The following SCAPER variants were observed in gnomAD, a reference collection of about 807,000 sequenced individuals.
The protein encoded by SCAPER is S phase cyclin A-associated protein in the endoplasmic reticulum.
SCAPER carries 98 observed loss-of-function variants against 182.2 expected under a neutral mutation model. The observed-to-expected ratio is 0.54, with a 90% confidence interval of 0.46 to 0.64. The LOEUF is 0.64. Among genes scored for constraint, SCAPER ranks in the 30% least tolerant of loss-of-function variants. The pLI is 0.00. For synonymous variants in SCAPER, 605 were observed against 564.6 expected (o/e 1.07, Z -1.01); for missense variants, 1,432 against 1,690.0 (o/e 0.85, Z 2.68).
intron 21 of SCAPER, among the ~76,000 whole-genome samples, chr15:76,645,041 C>T (rs930800754): frequency 6.6e-6 from 1 of 152,058 alleles, no homozygotes; most frequent in Non-Finnish European, 1.5e-5. Flanking sequence ...GTATTGAAAA[C>T]ATACATATTT....
intron 4 of SCAPER, among the ~76,000 whole-genome samples, chr15:76,854,640 C>A (rs2071141364): frequency 6.6e-6 from 1 of 151,696 alleles, no homozygotes; most frequent in African/African-American, 2.4e-5. Flanking sequence ...AAAAAACGCC[C>A]AAATAGCCAA....
Position 76,348,317 on chromosome 15 carries a change from C to T in SCAPER, c.*316G>A, listed in dbSNP as rs2469225. ...GAAAACAGAATAAGTTACTTTATTA[C>T]AAGAACAAAACAGACTTGCTAATTT... On this transcript the variant is annotated 3_prime_UTR_variant, in exon 32 of 32. Transcript: ENST00000563290. The T allele has an allele frequency of 0.043, 7,352 of 172,854 alleles. 361 individuals are homozygous for T. The highest frequency in any genetic ancestry group is 0.13 in the African/African-American group (5,485 of 42,334). 10.7% of individuals were successfully genotyped at this position (172,854 alleles called of 1,614,324 possible).
At chr15:76,899,676 G>A (rs12909065) in intron 1 of SCAPER, among the ~76,000 whole-genome samples, 1 of 150,640 alleles carries the variant, frequency 6.6e-6, no homozygotes, top group African/African-American at 2.4e-5. Context: ...TGGAAAGTGA[G>A]GAGCACCTCT....
At chr15:76,868,392 CA>C (rs5813851) in intron 2 of SCAPER, among the ~76,000 whole-genome samples, 40,897 of 145,840 alleles carry the variant, frequency 0.28, 6,294 homozygotes, top group East Asian at 0.56. Context: ...GACCTTGTCT[CA>C]AAAAAAAAAC....
At chr15:76,399,200 C>A (rs892129409) in intron 27 of SCAPER, among the ~76,000 whole-genome samples, 1 of 152,108 alleles carries the variant, frequency 6.6e-6, no homozygotes, top group African/African-American at 2.4e-5. Context: ...TGCAGTGGTG[C>A]CATCTCGGCT....
chr15:76,740,886 T>C (rs2061505774), intron 15 of SCAPER, among the ~76,000 whole-genome samples: 1 of 152,062 alleles, frequency 6.6e-6, no homozygotes, highest in Non-Finnish European at 1.5e-5. Flanking sequence ...TATGAATAAT[T>C]ATTGTGGAAA....
chr15:76,574,423 C>A (rs2047672556), intron 22 of SCAPER, 139 bp from the exon 23 acceptor site: 3 of 873,604 alleles, frequency 3.4e-6, no homozygotes, highest in Non-Finnish European at 5.1e-6. Flanking sequence ...GGAGAAAAAA[C>A]CAGACAACCA....
At chr15:76,564,647 A>T (rs1055935080) in intron 23 of SCAPER, among the ~76,000 whole-genome samples, 1 of 152,214 alleles carries the variant, frequency 6.6e-6, no homozygotes, top group Admixed American at 6.5e-5. Context: ...TATTCTTCAC[A>T]GAACTAAAAA....
intron 22 of SCAPER, 77 bp downstream of exon 22, chr15:76,621,687 A>C: frequency 3.4e-6 from 4 of 1,162,350 alleles, no homozygotes; most frequent in Non-Finnish European, 5.0e-6. Flanking sequence ...TATTACAGAC[A>C]TAACATGATG....
chr15:76,387,245 C>G (rs144458325), intron 27 of SCAPER, among the ~76,000 whole-genome samples: 1 of 152,266 alleles, frequency 6.6e-6, no homozygotes, highest in Non-Finnish European at 1.5e-5. Context: ...GCGCATGTCT[C>G]AGGAGGAAAA....
intron 21 of SCAPER, among the ~76,000 whole-genome samples, chr15:76,630,667 T>C (rs1226341028): frequency 2.6e-5 from 4 of 152,136 alleles, no homozygotes; most frequent in African/African-American, 4.8e-5. Flanking sequence ...TGAGAGACCG[T>C]TATTATTTCA....
intron 26 of SCAPER, among the ~76,000 whole-genome samples, chr15:76,415,725 T>C (rs7164813): frequency 0.4 from 60,859 of 151,924 alleles, 14,451 homozygotes; most frequent in Middle Eastern, 0.55. Flanking sequence ...AAAAAATACA[T>C]GAAATGATAT....
chr15:76,688,019 G>A (rs1357402033), intron 20 of SCAPER, among the ~76,000 whole-genome samples: 1 of 152,190 alleles, frequency 6.6e-6, no homozygotes, highest in East Asian at 1.9e-4. Flanking sequence ...TCGCCACACT[G>A]TCTTCTGCAA....
Position 76,602,755 on chromosome 15 carries a change from C to A in SCAPER, c.2711+19009G>T, listed in dbSNP as rs1200281392. Reference sequence around the variant, plus strand: ...GTCCCACAGTTTCAGATATTCTGTTCACTTTCTCCCCAGTCTTCTTTAAAT... The same window carrying A: ...GTCCCACAGTTTCAGATATTCTGTTAACTTTCTCCCCAGTCTTCTTTAAAT... On this transcript the variant is annotated intron_variant, in intron 22 of 31. Transcript: ENST00000563290. Among the ~76,000 whole-genome samples, 5 of 119,734 alleles carry A rather than the reference C, an allele frequency of 4.2e-5. No homozygotes were observed. The Admixed American group carries it at 4.8e-4, about 12-fold the overall frequency. The allele number at this position is 119,734 out of a possible 152,430, so 78.6% of individuals were successfully genotyped here.
At chr15:76,850,848 A>G (rs564108556) in intron 4 of SCAPER, among the ~76,000 whole-genome samples, 7 of 147,716 alleles carry the variant, frequency 4.7e-5, no homozygotes, top group Non-Finnish European at 1.0e-4. Flanking sequence ...CGAAAGAGCA[A>G]GACTCTGTCT....
chr15:76,389,387 G>A (rs888169635), intron 27 of SCAPER, among the ~76,000 whole-genome samples: 2 of 149,810 alleles, frequency 1.3e-5, no homozygotes, highest in African/African-American at 4.9e-5. Flanking sequence ...TGTAATCCCA[G>A]CTACTAGGGA....
At chr15:76,530,054 T>C (rs2043517273) in intron 23 of SCAPER, among the ~76,000 whole-genome samples, 2 of 152,142 alleles carry the variant, frequency 1.3e-5, no homozygotes, top group East Asian at 1.9e-4. Flanking sequence ...GATTGAAGTG[T>C]CTTATGAGCA....
At chr15:76,520,034 A>G (rs2042722228) in intron 23 of SCAPER, among the ~76,000 whole-genome samples, 1 of 152,186 alleles carries the variant, frequency 6.6e-6, no homozygotes, top group Non-Finnish European at 1.5e-5. Context: ...TATTTTAGCT[A>G]AGAATCTAAC....
chr15:76,757,623 C>A (rs1225584808), intron 14 of SCAPER, among the ~76,000 whole-genome samples: 1 of 151,934 alleles, frequency 6.6e-6, no homozygotes, highest in Non-Finnish European at 1.5e-5. Flanking sequence ...GGATATATAC[C>A]CAGAAGAAGA....
Sources: allele counts gnomAD v4.1 joint callset (sites outside exome capture counted in the v4.1 genomes callset), GRCh38; gene constraint gnomAD v4.1.1; transcripts MANE v1.5; gene names NCBI Gene and HGNC (gene_info 2026-07-23, HGNC 2026-07-21).